Variants in NFIB observed in about 807,000 individuals in gnomAD.
NFIB encodes the protein nuclear factor I B, also known as nuclear factor 1 B-type.
In NFIB, 11 loss-of-function variants were observed where a neutral mutation model predicts 61.5. That is an observed-to-expected ratio of 0.18 (90% CI 0.11 to 0.30). NFIB has a LOEUF of 0.30. Ranked by LOEUF, NFIB falls within the 10% of genes least tolerant of loss-of-function variation. The pLI is 1.00. For synonymous variants in NFIB, 260 were observed against 216.5 expected, an observed-to-expected ratio of 1.20 and a Z score of -1.76; for missense variants, 471 against 608.9, an observed-to-expected ratio of 0.77 and a Z score of 2.38.
chr9:14,410,617 G>T, the NFIB span, among the ~76,000 whole-genome samples: 1 of 152,180 alleles, frequency 6.6e-6, no homozygotes, highest in East Asian at 1.9e-4. Context: ...GAGTGATTCA[G>T]AGAAAACAAA....
the NFIB span, among the ~76,000 whole-genome samples, chr9:14,463,500 G>C: frequency 6.6e-5 from 10 of 152,122 alleles, no homozygotes; most frequent in South Asian, 1.9e-3. Flanking sequence ...TCAATGTCAG[G>C]ATGGTGATGT....
At chr9:14,229,316 C>G (rs75021464) in intron 2 of NFIB, among the ~76,000 whole-genome samples, 4,681 of 152,134 alleles carry the variant, frequency 0.031, 123 homozygotes, top group African/African-American at 0.073. Context: ...AACCATCATA[C>G]CAATAGTACC....
chr9:14,137,319 G>T (rs994703266), intron 6 of NFIB, among the ~76,000 whole-genome samples: 10 of 152,146 alleles, frequency 6.6e-5, no homozygotes, highest in African/African-American at 2.4e-4. Flanking sequence ...CATTCCTCAG[G>T]TATAAAGCAA....
chr9:14,210,477 T>G (rs2131718695), intron 2 of NFIB, among the ~76,000 whole-genome samples: 1 of 152,246 alleles, frequency 6.6e-6, no homozygotes, highest in East Asian at 1.9e-4. Context: ...AGAATTGCTT[T>G]ACAAATTGTT....
intron 2 of NFIB, among the ~76,000 whole-genome samples, chr9:14,231,217 G>A (rs1040528728): frequency 1.4e-5 from 2 of 147,006 alleles, no homozygotes; most frequent in African/African-American, 5.0e-5. Flanking sequence ...AGCATGCTGG[G>A]AGAATTCACT....
intron 6 of NFIB, among the ~76,000 whole-genome samples, chr9:14,137,982 A>G (rs2041260086): frequency 6.6e-6 from 1 of 152,142 alleles, no homozygotes; most frequent in Non-Finnish European, 1.5e-5. Flanking sequence ...TTTTATAATT[A>G]GTTTGCAAAA....
At chr9:14,430,548 G>C in the NFIB span, among the ~76,000 whole-genome samples, 25 of 151,716 alleles carry the variant, frequency 1.6e-4, no homozygotes, top group Non-Finnish European at 4.4e-5. Flanking sequence ...TCTAGTTTGA[G>C]AATGGCTTGC....
At chr9:14,312,976 T>C (rs549873374) in intron 1 of NFIB, among the ~76,000 whole-genome samples, 3 of 152,268 alleles carry the variant, frequency 2.0e-5, no homozygotes, top group African/African-American at 7.2e-5. Context: ...TCCGACTCGA[T>C]TCGTCGCCCG....
chr9:14,232,959 T>C (rs757613143), intron 2 of NFIB, among the ~76,000 whole-genome samples: 1 of 152,196 alleles, frequency 6.6e-6, no homozygotes, highest in Non-Finnish European at 1.5e-5. Flanking sequence ...CAAACTGGCA[T>C]GCTCAGTGGG....
At chr9:14,344,304 TGAGA>T (rs979988244) in intron 1 of NFIB, among the ~76,000 whole-genome samples, 5 of 147,102 alleles carry the variant, frequency 3.4e-5, no homozygotes, top group Admixed American at 6.7e-5. Flanking sequence ...GAGAGTGGGG[TGAGA>T]GAGAAAGTCT....
the NFIB span, among the ~76,000 whole-genome samples, chr9:14,441,624 CA>C: frequency 6.6e-6 from 1 of 150,972 alleles, no homozygotes; most frequent in Middle Eastern, 3.2e-3. Context: ...TGTCATCTAA[CA>C]AGGCAGTCTC....
At chr9:14,186,763 C>CT (rs111963648) in intron 2 of NFIB, among the ~76,000 whole-genome samples, 9,527 of 148,560 alleles carry the variant, frequency 0.064, 885 homozygotes, top group African/African-American at 0.21. Flanking sequence ...CATAATTTGG[C>CT]TTTTTTTTTT....
At chr9:14,428,476 C>T in the NFIB span, among the ~76,000 whole-genome samples, 6 of 151,670 alleles carry the variant, frequency 4.0e-5, no homozygotes, top group East Asian at 1.9e-4. Context: ...ATTGGGGGGA[C>T]GTGCATTCAA....
the NFIB span, among the ~76,000 whole-genome samples, chr9:14,410,064 G>T: frequency 2.0e-5 from 3 of 151,808 alleles, no homozygotes; most frequent in African/African-American, 7.3e-5. Context: ...AGGGGGTGAG[G>T]GGCAGGTTTC....
At chr9:14,423,121 C>T in the NFIB span, among the ~76,000 whole-genome samples, 3 of 152,128 alleles carry the variant, frequency 2.0e-5, no homozygotes, top group African/African-American at 7.2e-5. Context: ...CAGAGTGCTA[C>T]CATTAGTTAC....
chr9:14,463,758 T>C, the NFIB span, among the ~76,000 whole-genome samples: 1 of 144,034 alleles, frequency 6.9e-6, no homozygotes, highest in Non-Finnish European at 1.5e-5. Flanking sequence ...CCTCCCGGGT[T>C]CACGCCATTC....
chr9:14,305,168 T>C (rs941054728), intron 2 of NFIB, among the ~76,000 whole-genome samples: 2 of 152,114 alleles, frequency 1.3e-5, no homozygotes, highest in Non-Finnish European at 2.9e-5. Context: ...TCTCTACAAA[T>C]CTTTATTGTC....
At chr9:14,371,819 C>T (rs929888768) in intron 1 of NFIB, among the ~76,000 whole-genome samples, 1 of 152,106 alleles carries the variant, frequency 6.6e-6, no homozygotes, top group Non-Finnish European at 1.5e-5. Flanking sequence ...TAAACAGAGA[C>T]AAAATACCAA....
At chr9:14,115,794 T>G (rs961714243) in intron 9 of NFIB, among the ~76,000 whole-genome samples, 2 of 152,208 alleles carry the variant, frequency 1.3e-5, no homozygotes, top group African/African-American at 2.4e-5. Flanking sequence ...ATCTGCTTTG[T>G]GAAGGGGCTT....
Sources: gnomAD v4.1 joint callset for allele counts (sites outside exome capture counted in the v4.1 genomes callset) on GRCh38, gnomAD v4.1.1 for gene constraint, MANE v1.5 for transcripts, NCBI Gene and HGNC (gene_info 2026-07-23, HGNC 2026-07-21) for gene names.